Variants in RPS6KC1 observed in about 807,000 individuals in gnomAD.
The protein encoded by RPS6KC1 is inactive ribosomal protein S6 kinase delta-1.
Under a neutral mutation model 103.8 loss-of-function variants are expected in RPS6KC1, and 54 were observed. The observed-to-expected ratio is 0.52, with a 90% CI of 0.42 to 0.65. The LOEUF is 0.65. Ranked by LOEUF, RPS6KC1 falls within the 30% of genes least tolerant of loss-of-function variation. The pLI is 0.00. For synonymous variants in RPS6KC1, 439 were observed against 438.7 expected, an observed-to-expected ratio of 1.00 and a Z score of -0.01; for missense variants, 1,151 against 1,253.8, an observed-to-expected ratio of 0.92 and a Z score of 1.24.
chr1:213,072,653 GA>G (rs572136277), intron 2 of RPS6KC1, among the ~76,000 whole-genome samples: 13 of 152,020 alleles, frequency 8.6e-5, no homozygotes, highest in Admixed American at 6.5e-4. Flanking sequence ...TATTTTGAAA[GA>G]AAAAAATGTA....
chr1:213,526,792 C>A, the RPS6KC1 span, among the ~76,000 whole-genome samples: 1 of 152,264 alleles, frequency 6.6e-6, no homozygotes, highest in African/African-American at 2.4e-5. Flanking sequence ...GAAATTGAGG[C>A]AAAACCTTTA....
At chr1:213,180,019 A>G (rs892145503) in intron 8 of RPS6KC1, among the ~76,000 whole-genome samples, 7 of 152,378 alleles carry the variant, frequency 4.6e-5, no homozygotes, top group Admixed American at 1.3e-4. Flanking sequence ...TAGTAATTCC[A>G]TAGCTGTATG....
the RPS6KC1 span, among the ~76,000 whole-genome samples, chr1:213,836,883 C>A: frequency 6.6e-6 from 1 of 152,172 alleles, no homozygotes; most frequent in South Asian, 2.1e-4. Flanking sequence ...TTTCAGTCAC[C>A]AACCCCAATC....
chr1:213,186,049 T>C (rs1210550760), intron 8 of RPS6KC1, among the ~76,000 whole-genome samples: 1 of 151,942 alleles, frequency 6.6e-6, no homozygotes, highest in African/African-American at 2.4e-5. Flanking sequence ...ATTTTGAGTT[T>C]TAGTTGTCTC....
At chr1:213,851,088 C>T in the RPS6KC1 span, among the ~76,000 whole-genome samples, 1 of 152,074 alleles carries the variant, frequency 6.6e-6, no homozygotes, top group African/African-American at 2.4e-5. Context: ...TTCCCATCAT[C>T]AACCCCCTCT....
At chr1:213,327,803 T>G in the RPS6KC1 span, among the ~76,000 whole-genome samples, 1 of 152,216 alleles carries the variant, frequency 6.6e-6, no homozygotes, top group East Asian at 1.9e-4. Flanking sequence ...TGTTCTGACA[T>G]TTCTCTATCC....
chr1:213,271,763 CAAAAA>C (rs58938920), intron 14 of RPS6KC1, among the ~76,000 whole-genome samples: 397 of 114,774 alleles, frequency 3.5e-3, no homozygotes, highest in African/African-American at 0.013. Context: ...AACTCCGTCT[CAAAAA>C]AAAAAAAAAA....
At chr1:213,578,259 G>T in the RPS6KC1 span, among the ~76,000 whole-genome samples, 1 of 152,256 alleles carries the variant, frequency 6.6e-6, no homozygotes, top group African/African-American at 2.4e-5. Flanking sequence ...AGGATGTATG[G>T]AAACACCTGA....
At chr1:213,699,090 C>T in the RPS6KC1 span, among the ~76,000 whole-genome samples, 9 of 152,178 alleles carry the variant, frequency 5.9e-5, no homozygotes, top group South Asian at 1.9e-3. Flanking sequence ...TTAAAATAAA[C>T]AATTAAATTA....
chr1:213,368,306 G>A, the RPS6KC1 span, among the ~76,000 whole-genome samples: 2 of 152,256 alleles, frequency 1.3e-5, no homozygotes, highest in Non-Finnish European at 2.9e-5. Context: ...AGGGGTTTCC[G>A]CAGAAGGGTG....
the RPS6KC1 span, among the ~76,000 whole-genome samples, chr1:213,659,441 A>G: frequency 6.6e-6 from 1 of 152,180 alleles, no homozygotes; most frequent in East Asian, 1.9e-4. Flanking sequence ...CAAGAAACCA[A>G]TGATTGATTT....
rs1171712870 is a variant in RPS6KC1, at chr1:213,272,831, G to A, written c.*197G>A. ...AAGATATTAGCTAATTGTGCCAGGG[G>A]CTGTTATATACATATATACACAACC... On this transcript the variant is annotated 3_prime_UTR_variant, in exon 15 of 15. Transcript: ENST00000366960. 7.0e-5 allele frequency: 34 copies of A among 485,428 alleles called. No individual in the cohort carries two copies. The Admixed American group carries it at 1.1e-3, about 16-fold the overall frequency. The allele number at this position is 485,428 out of a possible 1,614,324, so 30.1% of individuals were successfully genotyped here. A position where few individuals can be genotyped will look rare whatever the true frequency, so the allele number is the denominator to read the frequency against.
chr1:213,342,872 G>T, the RPS6KC1 span, among the ~76,000 whole-genome samples: 2 of 152,024 alleles, frequency 1.3e-5, no homozygotes, highest in Non-Finnish European at 2.9e-5. Context: ...TTTTGGCTGG[G>T]CATGGTGGCT....
chr1:213,726,304 A>AC, the RPS6KC1 span, among the ~76,000 whole-genome samples: 1 of 152,186 alleles, frequency 6.6e-6, no homozygotes, highest in East Asian at 1.9e-4. Flanking sequence ...TGAATTTCTG[A>AC]CCCCAAACAA....
At chr1:213,295,703 T>C in the RPS6KC1 span, among the ~76,000 whole-genome samples, 1 of 152,254 alleles carries the variant, frequency 6.6e-6, no homozygotes, top group African/African-American at 2.4e-5. Context: ...GTCATTGACC[T>C]TGAAGGTGAC....
intron 8 of RPS6KC1, among the ~76,000 whole-genome samples, chr1:213,221,822 GT>G (rs796928745): frequency 1.4e-4 from 22 of 152,226 alleles, no homozygotes; most frequent in African/African-American, 5.1e-4. Flanking sequence ...AATCTTGGGT[GT>G]TTGCATAAAC....
At chr1:213,170,251 T>A (rs2091367969) in intron 7 of RPS6KC1, among the ~76,000 whole-genome samples, 1 of 152,210 alleles carries the variant, frequency 6.6e-6, no homozygotes, top group African/African-American at 2.4e-5. Flanking sequence ...GGTAAATAAG[T>A]ATGTTGAGCC....
At chr1:213,567,437 C>T in the RPS6KC1 span, among the ~76,000 whole-genome samples, 1 of 152,228 alleles carries the variant, frequency 6.6e-6, no homozygotes, top group Non-Finnish European at 1.5e-5. Context: ...CATAATCTGG[C>T]AGCTCTCCCA....
chr1:213,743,899 G>A, the RPS6KC1 span, among the ~76,000 whole-genome samples: 239 of 152,214 alleles, frequency 1.6e-3, 1 homozygote, highest in Admixed American at 2.9e-3. Context: ...AACTATATCA[G>A]CTTCTAAAGA....
Sources: allele counts gnomAD v4.1 joint callset (sites outside exome capture counted in the v4.1 genomes callset), GRCh38; gene constraint gnomAD v4.1.1; transcripts MANE v1.5; gene names NCBI Gene and HGNC (gene_info 2026-07-23, HGNC 2026-07-21).